Variants in PTPRD observed in about 807,000 individuals in gnomAD.
PTPRD encodes the protein protein tyrosine phosphatase receptor type D, also known as receptor-type tyrosine-protein phosphatase delta.
PTPRD carries 34 observed loss-of-function variants against 214.5 expected under a neutral mutation model. The ratio of observed to expected loss-of-function variants is 0.16; its 90% CI spans 0.12 to 0.21. The LOEUF (loss-of-function observed/expected upper bound fraction) is 0.21, where lower values mean the gene tolerates loss of function less well. PTPRD is among the 10% of genes least tolerant of loss of function. The pLI is 1.00. For synonymous variants in PTPRD, 1,128 were observed against 845.7 expected (o/e 1.33, Z -5.79); for missense variants, 2,545 against 2,398.7 (o/e 1.06, Z -1.27).
chr9:10,420,865 G>T (rs1256782338), intron 2 of PTPRD, among the ~76,000 whole-genome samples: 1 of 151,170 alleles, frequency 6.6e-6, no homozygotes, highest in Non-Finnish European at 1.5e-5. Flanking sequence ...ATAAGTTATT[G>T]TAATGAATGG....
chr9:9,608,287 G>T (rs1402032118), intron 7 of PTPRD, among the ~76,000 whole-genome samples: 1 of 152,056 alleles, frequency 6.6e-6, no homozygotes, highest in Non-Finnish European at 1.5e-5. Flanking sequence ...TATCATTTTT[G>T]ATGTACTAAA....
intron 3 of PTPRD, among the ~76,000 whole-genome samples, chr9:10,314,345 C>T (rs973343985): frequency 1.3e-5 from 2 of 151,786 alleles, no homozygotes; most frequent in Non-Finnish European, 2.9e-5. Context: ...AAGGATTTGT[C>T]ACTTTTTTAC....
At chr9:9,339,554 T>C (rs962169542) in intron 9 of PTPRD, among the ~76,000 whole-genome samples, 1 of 152,164 alleles carries the variant, frequency 6.6e-6, no homozygotes, top group Non-Finnish European at 1.5e-5. Context: ...CTGCAATAAG[T>C]GCCTGGTATA....
intron 3 of PTPRD, among the ~76,000 whole-genome samples, chr9:10,203,447 A>G (rs997658333): frequency 1.3e-5 from 2 of 152,064 alleles, no homozygotes; most frequent in African/African-American, 4.8e-5. Flanking sequence ...GCAAAGTATC[A>G]TTGATGAAAA....
chr9:9,620,062 T>C (rs575070552), intron 7 of PTPRD, among the ~76,000 whole-genome samples: 17 of 151,876 alleles, frequency 1.1e-4, no homozygotes, highest in African/African-American at 3.9e-4. Context: ...CCTTGTATGG[T>C]TTTCCTTGGC....
At chr9:9,014,082 A>C (rs1186356647) in intron 11 of PTPRD, among the ~76,000 whole-genome samples, 2 of 152,284 alleles carry the variant, frequency 1.3e-5, no homozygotes, top group African/African-American at 2.4e-5. Flanking sequence ...ATAATAAGTA[A>C]ATCGTAAGCT....
chr9:8,515,539 G>A (rs2097767965), intron 21 of PTPRD, among the ~76,000 whole-genome samples: 2 of 152,048 alleles, frequency 1.3e-5, no homozygotes, highest in Admixed American at 6.5e-5. Flanking sequence ...GTTAAGATGA[G>A]GCCATAAGAG....
chr9:10,507,883 G>A (rs964268988), intron 2 of PTPRD, among the ~76,000 whole-genome samples: 15 of 152,112 alleles, frequency 9.9e-5, no homozygotes, highest in African/African-American at 3.6e-4. Context: ...CAGGACATAG[G>A]CATGGGCAAG....
intron 2 of PTPRD, among the ~76,000 whole-genome samples, chr9:10,568,747 C>CAACTCT (rs1336688927): frequency 6.6e-6 from 1 of 152,114 alleles, no homozygotes. Flanking sequence ...GGATCCCTTC[C>CAACTCT]TTACACTTTA....
chr9:9,861,653 TATA>T (rs1395076529), intron 5 of PTPRD, among the ~76,000 whole-genome samples: 4 of 152,210 alleles, frequency 2.6e-5, no homozygotes, highest in East Asian at 1.9e-4. Flanking sequence ...TGATATACAG[TATA>T]ATATTTTGTT....
intron 3 of PTPRD, among the ~76,000 whole-genome samples, chr9:10,083,427 T>C (rs2098275624): frequency 6.6e-6 from 1 of 152,032 alleles, no homozygotes; most frequent in Admixed American, 6.6e-5. Flanking sequence ...ACAATGCTTG[T>C]TGTAAAGAGA....
intron 11 of PTPRD, among the ~76,000 whole-genome samples, chr9:8,903,431 A>G (rs9408748): frequency 0.34 from 51,727 of 152,074 alleles, 10,394 homozygotes; most frequent in Non-Finnish European, 0.45. Flanking sequence ...TTAAAGTATT[A>G]CCATTCCTGC....
chr9:10,416,529 G>A (rs1469023737), intron 2 of PTPRD, among the ~76,000 whole-genome samples: 1 of 151,840 alleles, frequency 6.6e-6, no homozygotes, highest in Non-Finnish European at 1.5e-5. Flanking sequence ...GGAAAATAAA[G>A]CATGTGTTAC....
intron 9 of PTPRD, among the ~76,000 whole-genome samples, chr9:9,252,340 A>C (rs113435965): frequency 0.023 from 3,510 of 152,146 alleles, 150 homozygotes; most frequent in African/African-American, 0.081. Flanking sequence ...TTTTATTATC[A>C]ATGGGTAAGG....
At chr9:9,424,806 G>T (rs1172603280) in intron 8 of PTPRD, among the ~76,000 whole-genome samples, 1 of 152,026 alleles carries the variant, frequency 6.6e-6, no homozygotes, top group Non-Finnish European at 1.5e-5. Flanking sequence ...CTACAGACCA[G>T]CAAAAATAAA....
intron 9 of PTPRD, among the ~76,000 whole-genome samples, chr9:9,203,937 C>A (rs1237793028): frequency 1.3e-5 from 2 of 152,136 alleles, no homozygotes; most frequent in Non-Finnish European, 2.9e-5. Flanking sequence ...TTTTTCTGCT[C>A]ACTGTACTCT....
At chr9:10,435,369 C>T (rs1195989184) in intron 2 of PTPRD, among the ~76,000 whole-genome samples, 1 of 151,772 alleles carries the variant, frequency 6.6e-6, no homozygotes, top group East Asian at 1.9e-4. Flanking sequence ...AAGCATTTAG[C>T]CCTCGTTTTC....
At chr9:9,435,438 G>C (rs2084858918) in intron 8 of PTPRD, among the ~76,000 whole-genome samples, 1 of 150,576 alleles carries the variant, frequency 6.6e-6, no homozygotes, top group Admixed American at 6.6e-5. Flanking sequence ...TCGAACCCAG[G>C]AGTTGGAAGC....
chr9:9,229,765 G>A (rs765462472), intron 9 of PTPRD, among the ~76,000 whole-genome samples: 10 of 151,948 alleles, frequency 6.6e-5, no homozygotes, highest in Non-Finnish European at 1.3e-4. Context: ...AACTACACGT[G>A]CCAACAAGGC....
Sources: allele counts gnomAD v4.1 joint callset (sites outside exome capture counted in the v4.1 genomes callset), GRCh38; gene constraint gnomAD v4.1.1; transcripts MANE v1.5; gene names NCBI Gene and HGNC (gene_info 2026-07-23, HGNC 2026-07-21).